Variants in TMCO5A observed in about 807,000 individuals in gnomAD.
TMCO5A encodes the protein transmembrane and coiled-coil domain-containing protein 5A.
TMCO5A carries 34 observed loss-of-function variants against 42.3 expected under a neutral mutation model. The observed-to-expected ratio is 0.80, with a 90% CI of 0.61 to 1.07. The LOEUF is 1.07. Ranked by LOEUF, TMCO5A falls within the 50% of genes least tolerant of loss-of-function variation. The pLI, the probability that TMCO5A is intolerant of heterozygous loss-of-function variation, is 0.00. For synonymous variants in TMCO5A, 131 were observed against 115.6 expected (o/e 1.13, Z -0.86); for missense variants, 357 against 327.9 (o/e 1.09, Z -0.69).
At chr15:37,941,242 A>T in intron 7 of TMCO5A, 37 bp downstream of exon 7, 1 of 1,595,732 alleles carries the variant, frequency 6.3e-7, no homozygotes, top group African/African-American at 1.3e-5. Context: ...TCTCCCCAAA[A>T]AGGGAAATGT....
At chr15:37,966,427 A>G (rs1241184737) in intron 11 of TMCO5A, among the ~76,000 whole-genome samples, 7 of 152,188 alleles carry the variant, frequency 4.6e-5, no homozygotes, top group African/African-American at 7.2e-5. Flanking sequence ...AGATGGGTAC[A>G]TCATTTTACA....
the TMCO5A span, among the ~76,000 whole-genome samples, chr15:38,035,942 G>A: frequency 6.6e-6 from 1 of 152,146 alleles, no homozygotes; most frequent in Non-Finnish European, 1.5e-5. Context: ...TATGTTTGAT[G>A]TACCACCCTA....
intron 1 of TMCO5A, among the ~76,000 whole-genome samples, 154 bp downstream of exon 1, chr15:37,934,848 T>A (rs1889457882): frequency 6.6e-6 from 1 of 152,144 alleles, no homozygotes; most frequent in Non-Finnish European, 1.5e-5. Context: ...AGAGCAAAGA[T>A]TACTTTTCAG....
At chr15:38,011,490 CTT>C in the TMCO5A span, among the ~76,000 whole-genome samples, 3 of 152,150 alleles carry the variant, frequency 2.0e-5, no homozygotes, top group Admixed American at 6.5e-5. Context: ...GCTGCAGTGT[CTT>C]TGTTAGAAGT....
rs536872868 is a variant in TMCO5A, at chr15:37,948,747, G to A, written c.668+1051G>A. On this transcript the variant is annotated intron_variant, in intron 11 of 11. Transcript: ENST00000319669. Reference sequence around the variant, plus strand: ...TCATTCTGCTTCAACATCTTGTGGGGCACTGGTACACTGGGCACTAACTCA... The same window carrying A: ...TCATTCTGCTTCAACATCTTGTGGGACACTGGTACACTGGGCACTAACTCA... Among the ~76,000 whole-genome samples the A allele has an allele frequency of 3.3e-5, 5 of 152,130 alleles. No individual in the cohort carries two copies. In the East Asian group the frequency reaches 7.8e-4, roughly 24 times the overall value.
At chr15:37,993,375 T>G in the TMCO5A span, 2 of 143,598 alleles carry the variant, frequency 1.4e-5, no homozygotes, top group East Asian at 1.9e-4. Context: ...TAATTTGGGT[T>G]TTTTTTTTTA....
At position 37,942,206 on chromosome 15, in the gene TMCO5A, T is replaced by C. The variant is rs1429596944; in HGVS notation, c.520T>C (p.Leu174=). Reference sequence around the variant, plus strand: ...CTCTTTGAAGAAGTACCAGGAAACGTTGAAGAAAATAGAAGAAGAACTAGA... The same window carrying C: ...CTCTTTGAAGAAGTACCAGGAAACGCTGAAGAAAATAGAAGAAGAACTAGA... The part of the protein sequence containing the change: ...ALYIKKYQET[L]KKIEEELEAL... Residue 174 remains leucine (L), a synonymous_variant, in exon 9 of 12, where the codon TTG becomes CTG. Coordinates refer to ENST00000319669, the MANE Select transcript of TMCO5A (RefSeq NM_152453.4). The C allele has an allele frequency of 4.3e-6, 7 of 1,612,710 alleles. No individual in the cohort carries two copies. Among genetic ancestry groups the C allele is most frequent in the East Asian group, 2.2e-5 (1 of 44,856 alleles).
In TMCO5A at chr15:37,945,146, G is replaced by A. The variant is rs182490669; in HGVS notation, c.627+1748G>A. On this transcript the variant is annotated intron_variant, in intron 10 of 11. Coordinates refer to ENST00000319669, the MANE Select transcript of TMCO5A (RefSeq NM_152453.4). Reference sequence around the variant, plus strand: ...GCAGTGTTTGGGTTTCTGTTCTTGGGTTAGTTGGCTGAGTAAAATGGCTTC... The same window carrying A: ...GCAGTGTTTGGGTTTCTGTTCTTGGATTAGTTGGCTGAGTAAAATGGCTTC... 1.0e-3 allele frequency among the ~76,000 whole-genome samples: 154 copies of A among 152,144 alleles called. 1 individual carries two copies. In the Middle Eastern group the frequency reaches 0.024, roughly 24 times the overall value.
At chr15:37,981,845 G>A in the TMCO5A span, among the ~76,000 whole-genome samples, 1 of 152,204 alleles carries the variant, frequency 6.6e-6, no homozygotes, top group South Asian at 2.1e-4. Flanking sequence ...ATTTACAGAA[G>A]AGACTGGCTA....
chr15:37,996,924 C>T, the TMCO5A span, among the ~76,000 whole-genome samples: 26 of 152,220 alleles, frequency 1.7e-4, no homozygotes, highest in Non-Finnish European at 7.4e-5. Flanking sequence ...AGCCCAGCTG[C>T]GAAGAATATT....
chr15:37,967,280 T>C (rs1256307449), exon 12 of TMCO5A: 1 of 152,232 alleles, frequency 6.6e-6, no homozygotes, highest in Non-Finnish European at 1.5e-5. Flanking sequence ...TACATTATTT[T>C]CCAGTACAAG....
the TMCO5A span, chr15:38,020,638 G>C: frequency 2.6e-5 from 4 of 152,164 alleles, no homozygotes; most frequent in African/African-American, 4.8e-5. Context: ...ATAATTTGGT[G>C]ATGAATATGC....
chr15:37,962,602 CA>C (rs1371090843), intron 11 of TMCO5A, among the ~76,000 whole-genome samples: 1 of 152,048 alleles, frequency 6.6e-6, no homozygotes, highest in Non-Finnish European at 1.5e-5. Flanking sequence ...GGAATAGTGT[CA>C]AAATGGTTGG....
At chr15:37,986,141 G>A in the TMCO5A span, among the ~76,000 whole-genome samples, 70 of 152,142 alleles carry the variant, frequency 4.6e-4, no homozygotes, top group African/African-American at 1.5e-3. Context: ...AGATTTTGAA[G>A]GGCAGTTAGT....
the TMCO5A span, among the ~76,000 whole-genome samples, chr15:37,998,763 A>AT: frequency 2.0e-5 from 3 of 152,122 alleles, no homozygotes; most frequent in Non-Finnish European, 4.4e-5. Context: ...TAGAGATTGC[A>AT]TTGAATCTGT....
At chr15:37,952,047 G>A (rs1489784491), downstream of TMCO5A, among the ~76,000 whole-genome samples, 2 of 152,178 alleles carry the variant, frequency 1.3e-5, no homozygotes, top group African/African-American at 2.4e-5. Context: ...CCTGCCCACA[G>A]AGGGCTAATT....
At position 37,936,883 on chromosome 15, in the gene TMCO5A, G is replaced by A. The variant is rs753069248; in HGVS notation, c.177G>A (p.Val59=). The change falls in exon 4 of 12, where the codon GTG becomes GTA. Residue 59 remains valine (V), a synonymous_variant. Coordinates refer to ENST00000319669, the MANE Select transcript of TMCO5A (RefSeq NM_152453.4). ...ESEIIQTRGL[V]EDEEWEKENR... ...AGATCATTCAGACGCGGGGCCTGGTGGAAGATGAAGAGTGGGAGAAGGAGA... is the reference window on the plus strand; with the variant it reads ...AGATCATTCAGACGCGGGGCCTGGTAGAAGATGAAGAGTGGGAGAAGGAGA... 4.3e-6 allele frequency: 7 copies of A among 1,612,388 alleles called. No homozygotes were observed. Among genetic ancestry groups the A allele is most frequent in the East Asian group, 4.5e-5 (2 of 44,728 alleles).
At chr15:37,960,947 G>A (rs965014396) in intron 11 of TMCO5A, among the ~76,000 whole-genome samples, 3 of 152,034 alleles carry the variant, frequency 2.0e-5, no homozygotes, top group Admixed American at 2.0e-4. Context: ...ATAGTCCCTT[G>A]TCAGATGTGT....
the TMCO5A span, among the ~76,000 whole-genome samples, chr15:38,005,131 T>G: frequency 6.6e-6 from 1 of 152,094 alleles, no homozygotes; most frequent in Admixed American, 6.5e-5. Flanking sequence ...GCCACCAGTA[T>G]GCCCTTGTAG....
Sources: allele counts gnomAD v4.1 joint callset (sites outside exome capture counted in the v4.1 genomes callset), GRCh38; gene constraint gnomAD v4.1.1; transcripts MANE v1.5; gene names NCBI Gene and HGNC (gene_info 2026-07-23, HGNC 2026-07-21).